RYR2: variants seen among roughly 807,000 people sequenced by gnomAD.
RYR2 encodes cardiac muscle ryanodine receptor-calcium release channel.
RYR2 carries 227 observed loss-of-function variants against 601.1 expected under a neutral mutation model. The observed-to-expected ratio is 0.38, with a 90% CI of 0.34 to 0.42. The LOEUF (loss-of-function observed/expected upper bound fraction) is 0.42, where lower values mean the gene tolerates loss of function less well. Ranked by LOEUF, RYR2 falls within the 10% of genes least tolerant of loss-of-function variation. RYR2 has a pLI of 1.00. For missense variants in RYR2, 4,646 were observed against 6,156.5 expected (o/e 0.75, Z 8.21); for synonymous variants, 2,223 against 2,175.1 (o/e 1.02, Z -0.61).
intron 44 of RYR2, among the ~76,000 whole-genome samples, chr1:237,635,381 T>C (rs959578483): frequency 2.0e-5 from 3 of 152,200 alleles, no homozygotes; most frequent in Non-Finnish European, 4.4e-5. Flanking sequence ...TGATATCTGC[T>C]GCCACTTTTG....
At chr1:237,650,982 T>C (rs1370759764) in intron 50 of RYR2, among the ~76,000 whole-genome samples, 1 of 152,238 alleles carries the variant, frequency 6.6e-6, no homozygotes, top group Non-Finnish European at 1.5e-5. Context: ...CTCCCTTCCT[T>C]CTCTGGCAAA....
intron 25 of RYR2, among the ~76,000 whole-genome samples, chr1:237,533,959 A>T (rs1477372953): frequency 1.3e-5 from 2 of 152,130 alleles, no homozygotes; most frequent in African/African-American, 2.4e-5. Context: ...TAAAAATCTG[A>T]TGACAGATGT....
intron 24 of RYR2, among the ~76,000 whole-genome samples, chr1:237,514,730 G>A (rs915259131): frequency 2.0e-5 from 3 of 152,140 alleles, no homozygotes; most frequent in African/African-American, 7.2e-5. Context: ...CCGAGGAAAT[G>A]TTGCTGGAGT....
chr1:237,045,055 T>G (rs1394819887), intron 1 of RYR2, among the ~76,000 whole-genome samples: 1 of 151,950 alleles, frequency 6.6e-6, no homozygotes, highest in Non-Finnish European at 1.5e-5. Context: ...TAGTGATGGA[T>G]GAAGCTGTTT....
chr1:237,470,076 A>G (rs1660541053), intron 17 of RYR2, among the ~76,000 whole-genome samples: 1 of 152,112 alleles, frequency 6.6e-6, no homozygotes, highest in African/African-American at 2.4e-5. Flanking sequence ...GTATTTCATT[A>G]TTTGCCTTTC....
intron 83 of RYR2, 52 bp downstream of exon 83, chr1:237,759,904 G>A (rs374085300): frequency 7.7e-6 from 9 of 1,171,026 alleles, no homozygotes; most frequent in Admixed American, 2.1e-5. Flanking sequence ...GTATTTTTTC[G>A]AAGCATTTGT....
chr1:237,077,741 C>T (rs1285465393), intron 1 of RYR2, among the ~76,000 whole-genome samples: 1 of 152,210 alleles, frequency 6.6e-6, no homozygotes, highest in Non-Finnish European at 1.5e-5. Context: ...AACAAGGATA[C>T]CCAGAAATTG....
At chr1:237,631,035 A>G (rs1007511977) in intron 41 of RYR2, among the ~76,000 whole-genome samples, 4 of 152,220 alleles carry the variant, frequency 2.6e-5, no homozygotes, top group African/African-American at 9.6e-5. Flanking sequence ...CAGCATATAT[A>G]TGAAAAGCAG....
intron 41 of RYR2, 37 bp from the exon 42 acceptor site, chr1:237,631,390 T>C: frequency 7.6e-7 from 1 of 1,316,486 alleles, no homozygotes; most frequent in Non-Finnish European, 1.1e-6. Context: ...TAGATGTTGC[T>C]CTGAGCTTTA....
At chr1:237,306,781 T>G (rs1311537869) in intron 2 of RYR2, among the ~76,000 whole-genome samples, 1 of 152,162 alleles carries the variant, frequency 6.6e-6, no homozygotes, top group Non-Finnish European at 1.5e-5. Flanking sequence ...GGTTTCATCT[T>G]GAAGAATTTG....
intron 1 of RYR2, among the ~76,000 whole-genome samples, chr1:237,240,665 CAAAAAAAAA>C (rs35984919): frequency 2.9e-4 from 16 of 55,162 alleles, no homozygotes; most frequent in East Asian, 1.4e-3. Flanking sequence ...CTATAAAAGC[CAAAAAAAAA>C]AAAAAAAAAA....
At chr1:237,808,115 A>G (rs1660846449) in intron 99 of RYR2, among the ~76,000 whole-genome samples, 1 of 152,338 alleles carries the variant, frequency 6.6e-6, no homozygotes, top group East Asian at 1.9e-4. Flanking sequence ...TGAGAAAAAT[A>G]GCCTTCAAAA....
chr1:237,689,903 G>A (rs1343122730), intron 63 of RYR2, among the ~76,000 whole-genome samples: 1 of 148,430 alleles, frequency 6.7e-6, no homozygotes, highest in Admixed American at 6.7e-5. Flanking sequence ...GGAGTGCAAT[G>A]GTGAGATCTC....
At chr1:237,275,759 C>T (rs967546205) in intron 2 of RYR2, among the ~76,000 whole-genome samples, 11 of 152,152 alleles carry the variant, frequency 7.2e-5, no homozygotes, top group African/African-American at 2.6e-4. Context: ...AGTTCACATA[C>T]CATATTAAAG....
At chr1:237,574,049 C>T (rs1251502018) in intron 29 of RYR2, among the ~76,000 whole-genome samples, 1 of 152,090 alleles carries the variant, frequency 6.6e-6, no homozygotes, top group East Asian at 1.9e-4. Context: ...AGTGAAATTC[C>T]ACTAGAATTT....
In RYR2 at chr1:237,785,951, C is replaced by T. The variant is rs376854613; in HGVS notation, c.13261-18C>T. ...GATGGGTAATCCTGGTTTTCTTTTC[C>T]CCATTGACTCATTCAAGGAACAGAA... On this transcript the variant is annotated intron_variant, in intron 90 of 104. Coordinates refer to ENST00000366574, the MANE Select transcript of RYR2 (RefSeq NM_001035.3). 8.9e-5 allele frequency: 139 copies of T among 1,564,052 alleles called. No homozygotes were observed. In the African/African-American group the frequency reaches 1.2e-3, roughly 14 times the overall value.
At chr1:237,792,446 G>A (rs891971699) in intron 94 of RYR2, 123 bp downstream of exon 94, 5 of 625,738 alleles carry the variant, frequency 8.0e-6, no homozygotes, top group African/African-American at 7.4e-5. Context: ...GACTTCTGGG[G>A]AAGCAGATTC....
chr1:237,167,258 T>C lies in RYR2; in HGVS notation c.49-103239T>C, dbSNP rs550071227. On this transcript the variant is annotated intron_variant, in intron 1 of 104. Transcript: ENST00000366574. ...GAAGAGGGGAAAAAAAGCACAGTGA[T>C]TACAATCAAAGGAGTAGGCACCAGA... is the stretch of plus-strand genomic sequence containing the variant. Among the ~76,000 whole-genome samples, 101 of 152,302 alleles carry C rather than the reference T, an allele frequency of 6.6e-4. 2 individuals carry two copies. The South Asian group carries it at 0.02, about 30-fold the overall frequency.
chr1:237,695,016 T>G lies in RYR2; in HGVS notation c.9068-3949T>G, dbSNP rs533218995. On this transcript the variant is annotated intron_variant, in intron 63 of 104. Transcript: ENST00000366574. Reference sequence around the variant, plus strand: ...AAGTACAATGACTGCTATCACTGTTTCCAGAAGAGAGAGAAGTCAACATTC... The same window carrying G: ...AAGTACAATGACTGCTATCACTGTTGCCAGAAGAGAGAGAAGTCAACATTC... 3.9e-5 allele frequency among the ~76,000 whole-genome samples: 6 copies of G among 152,306 alleles called. No homozygotes were observed. In the East Asian group the frequency reaches 9.6e-4, roughly 24 times the overall value.
Sources: allele counts gnomAD v4.1 joint callset (sites outside exome capture counted in the v4.1 genomes callset), GRCh38; gene constraint gnomAD v4.1.1; transcripts MANE v1.5; gene names NCBI Gene and HGNC (gene_info 2026-07-23, HGNC 2026-07-21).